Variants in ADCY5 observed in about 807,000 individuals in gnomAD.
The protein encoded by ADCY5 is adenylate cyclase type 5.
Under a neutral mutation model 119.7 loss-of-function variants are expected in ADCY5, and 30 were observed. The ratio of observed to expected loss-of-function variants is 0.25; its 90% confidence interval spans 0.19 to 0.34. The LOEUF (loss-of-function observed/expected upper bound fraction) is 0.34. ADCY5 is among the 10% of genes least tolerant of loss of function. The pLI is 1.00. For synonymous variants in ADCY5, 753 were observed against 762.2 expected, an observed-to-expected ratio of 0.99 and a Z score of 0.20; for missense variants, 1,324 against 1,775.2, an observed-to-expected ratio of 0.75 and a Z score of 4.57.
intron 1 of ADCY5, among the ~76,000 whole-genome samples, chr3:123,426,711 A>G (rs1270722249): frequency 6.6e-6 from 1 of 152,162 alleles, no homozygotes; most frequent in Non-Finnish European, 1.5e-5. Context: ...TTTGTCAGGC[A>G]GCCCCTGAGA....
chr3:123,398,797 C>T (rs911673030), intron 1 of ADCY5, among the ~76,000 whole-genome samples: 3 of 152,152 alleles, frequency 2.0e-5, no homozygotes, highest in African/African-American at 7.2e-5. Context: ...CCTCCTTTAG[C>T]GAGCCACACT....
intron 17 of ADCY5, 38 bp from the exon 18 acceptor site, chr3:123,291,414 G>T: frequency 5.7e-6 from 9 of 1,586,100 alleles, no homozygotes; most frequent in Non-Finnish European, 7.7e-6. Flanking sequence ...AGATGCCAAT[G>T]TGAGCCCAGA....
At chr3:123,354,793 G>A (rs1437597237) in intron 1 of ADCY5, among the ~76,000 whole-genome samples, 2 of 152,206 alleles carry the variant, frequency 1.3e-5, no homozygotes, top group African/African-American at 4.8e-5. Context: ...ATGAAGGCTA[G>A]TTCAACTTCA....
At chr3:123,319,106 C>A (rs1016428365) in intron 10 of ADCY5, among the ~76,000 whole-genome samples, 1 of 152,186 alleles carries the variant, frequency 6.6e-6, no homozygotes, top group African/African-American at 2.4e-5. Context: ...GTAATCCTAG[C>A]ATTTTGGGAG....
chr3:123,294,378 G>GCT (rs1939359562), intron 17 of ADCY5, among the ~76,000 whole-genome samples: 1 of 152,252 alleles, frequency 6.6e-6, no homozygotes, highest in African/African-American at 2.4e-5. Flanking sequence ...TCCATAAAGT[G>GCT]CTAGTCAAAT....
rs76150180 is a variant in ADCY5, at chr3:123,339,231, C to G, written c.1407-6556G>C. Among the ~76,000 whole-genome samples, 63 of 152,158 alleles carry G rather than the reference C, an allele frequency of 4.1e-4. 1 individual carries two copies. The East Asian group carries it at 0.012, about 28-fold the overall frequency. ...AAGAGTGCTGTCCCCTGCAGCGTGC[C>G]CCCTCCATTTGCCCCCCATCATCCA... On this transcript the variant is annotated intron_variant, in intron 3 of 20. Transcript: ENST00000462833.
chr3:123,375,576 C>T (rs1943797667), intron 1 of ADCY5, among the ~76,000 whole-genome samples: 1 of 152,242 alleles, frequency 6.6e-6, no homozygotes, highest in Admixed American at 6.5e-5. Context: ...TCAGCTGGCG[C>T]CATCTTGCTT....
chr3:123,346,210 C>T (rs1347401956), intron 3 of ADCY5, among the ~76,000 whole-genome samples: 1 of 152,260 alleles, frequency 6.6e-6, no homozygotes, highest in Non-Finnish European at 1.5e-5. Context: ...GGAAATGGCA[C>T]ATCTGCACTG....
chr3:123,324,863 G>A (rs182859005), intron 8 of ADCY5, among the ~76,000 whole-genome samples: 1 of 152,342 alleles, frequency 6.6e-6, no homozygotes, highest in East Asian at 1.9e-4. Context: ...GAAAGCACTA[G>A]GATAGTTTCT....
rs1943032794 is a variant in ADCY5, at chr3:123,356,232, G to A, written c.1135-3651C>T. Among the ~76,000 whole-genome samples the A allele has an allele frequency of 3.3e-5, 5 of 151,924 alleles. No individual in the cohort carries two copies. In the South Asian group the frequency reaches 1.0e-3, roughly 32 times the overall value. On this transcript the variant is annotated intron_variant, in intron 1 of 20. Coordinates refer to ENST00000462833, the MANE Select transcript of ADCY5 (RefSeq NM_183357.3). ...CATAGGGATAAATCTTTATAACCTT[G>A]GATTAGGCAATAATTTCTTATATAT... is the stretch of plus-strand genomic sequence containing the variant.
chr3:123,330,641 C>T (rs1413770459), intron 5 of ADCY5, among the ~76,000 whole-genome samples: 2 of 152,250 alleles, frequency 1.3e-5, no homozygotes, highest in Admixed American at 6.5e-5. Flanking sequence ...CTGGAGTCTG[C>T]AGAGCCCTCC....
chr3:123,348,939 A>G (rs1055582445), intron 2 of ADCY5, among the ~76,000 whole-genome samples: 3 of 151,916 alleles, frequency 2.0e-5, no homozygotes, highest in African/African-American at 4.8e-5. Context: ...TTCTGCTTCT[A>G]TGTCATCTCT....
At chr3:123,363,578 A>T (rs1468886957) in intron 1 of ADCY5, among the ~76,000 whole-genome samples, 1 of 152,246 alleles carries the variant, frequency 6.6e-6, no homozygotes, top group Non-Finnish European at 1.5e-5. Context: ...AATTAGGAGC[A>T]GCTAAATGTT....
chr3:123,326,693 C>T (rs886351890), intron 7 of ADCY5, among the ~76,000 whole-genome samples: 1 of 152,236 alleles, frequency 6.6e-6, no homozygotes. Flanking sequence ...CCCCATCCCT[C>T]TTCCTGGTGC....
intron 1 of ADCY5, among the ~76,000 whole-genome samples, chr3:123,443,743 ACCCCTAGTGGCT>A (rs1409015246): frequency 6.6e-6 from 1 of 151,922 alleles, no homozygotes. Context: ...TGCAGGGAAA[ACCCCTAGTGGCT>A]CCCCCAAGCT....
chr3:123,285,277 TAA>T (rs1166706638), intron 20 of ADCY5, among the ~76,000 whole-genome samples: 3 of 152,204 alleles, frequency 2.0e-5, no homozygotes, highest in Non-Finnish European at 4.4e-5. Context: ...TCAGAGCATC[TAA>T]GTCACGAGCC....
chr3:123,284,800 G>A (rs1165414932), intron 20 of ADCY5, 64 bp from the exon 21 acceptor site: 12 of 1,604,604 alleles, frequency 7.5e-6, no homozygotes, highest in Non-Finnish European at 1.0e-5. Context: ...CTGCTGTGGG[G>A]TAGAGCCACC....
intron 3 of ADCY5, among the ~76,000 whole-genome samples, chr3:123,341,408 C>T (rs897980915): frequency 2.6e-5 from 4 of 152,106 alleles, no homozygotes; most frequent in African/African-American, 9.7e-5. Context: ...TTTCCACATA[C>T]ATGAGCTACC....
rs1311281475 is a variant in ADCY5, at chr3:123,448,551, C to G, written c.-6G>C. On this transcript the variant is annotated 5_prime_UTR_variant, in exon 1 of 21. Transcript: ENST00000462833. ...ACGCTTTTGGAGCCGGACATCCCCC[C>G]CTCGGCCTCGTCGTCTCCTTCCTCC... is the stretch of plus-strand genomic sequence containing the variant. 7.1e-6 allele frequency: 9 copies of G among 1,263,802 alleles called. No homozygotes were observed. The highest frequency in any genetic ancestry group is 3.1e-5 in the African/African-American group (2 of 64,558). The allele number at this position is 1,263,802 out of a possible 1,614,324, so 78.3% of individuals were successfully genotyped here.
Sources: allele counts gnomAD v4.1 joint callset (sites outside exome capture counted in the v4.1 genomes callset), GRCh38; gene constraint gnomAD v4.1.1; transcripts MANE v1.5; gene names NCBI Gene and HGNC (gene_info 2026-07-23, HGNC 2026-07-21).